The following TIMD4 variants were observed in gnomAD, a reference collection of about 807,000 sequenced individuals.
TIMD4 encodes the protein T-cell immunoglobulin and mucin domain-containing protein 4.
Under a neutral mutation model 41.2 loss-of-function variants are expected in TIMD4, and 31 were observed. That is an observed-to-expected ratio of 0.75 (90% CI 0.57 to 1.01). The LOEUF is 1.01. Among genes scored for constraint, TIMD4 ranks in the 50% least tolerant of loss-of-function variants. The pLI is 0.00. For missense variants in TIMD4, 479 were observed against 472.5 expected, an observed-to-expected ratio of 1.01 and a Z score of -0.13; for synonymous variants, 204 against 177.1, an observed-to-expected ratio of 1.15 and a Z score of -1.21.
chr5:156,938,221 T>G (rs1033085741), intron 5 of TIMD4, among the ~76,000 whole-genome samples: 16 of 152,212 alleles, frequency 1.1e-4, no homozygotes, highest in African/African-American at 3.6e-4. Context: ...TTTAAACTTT[T>G]TAAATGTCTC....
chr5:156,948,100 C>CG (rs1759777564), intron 5 of TIMD4, among the ~76,000 whole-genome samples: 1 of 151,988 alleles, frequency 6.6e-6, no homozygotes, highest in Non-Finnish European at 1.5e-5. Flanking sequence ...CTCCAGCTGG[C>CG]GGGAGGATGT....
intron 1 of TIMD4, among the ~76,000 whole-genome samples, chr5:156,959,016 T>C (rs1760033059): frequency 6.6e-6 from 1 of 152,218 alleles, no homozygotes; most frequent in Non-Finnish European, 1.5e-5. Flanking sequence ...CTTTTGAAAG[T>C]AAATGCACAG....
At chr5:156,929,050 T>C (rs1337367640) in intron 5 of TIMD4, among the ~76,000 whole-genome samples, 2 of 152,234 alleles carry the variant, frequency 1.3e-5, no homozygotes, top group Admixed American at 1.3e-4. Context: ...TTTCTTCTTC[T>C]TCTTCTTCTG....
chr5:156,919,691 A>G, intron 8 of TIMD4, 150 bp from the exon 9 acceptor site: 1 of 593,814 alleles, frequency 1.7e-6, no homozygotes, highest in Non-Finnish European at 3.0e-6. Context: ...CAGATGGGAA[A>G]ACTGAGGCTG....
intron 1 of TIMD4, among the ~76,000 whole-genome samples, chr5:156,962,210 C>T (rs1053570857): frequency 1.3e-5 from 2 of 151,836 alleles, no homozygotes; most frequent in Non-Finnish European, 2.9e-5. Flanking sequence ...TAGTGGGGTG[C>T]CTATTGTTAT....
chr5:156,955,950 C>T (rs1216143078), intron 1 of TIMD4, among the ~76,000 whole-genome samples: 2 of 152,190 alleles, frequency 1.3e-5, no homozygotes, highest in African/African-American at 4.8e-5. Context: ...ACATATCCAT[C>T]GCCTTACCAA....
chr5:156,960,335 C>T (rs1227584400), intron 1 of TIMD4, among the ~76,000 whole-genome samples: 1 of 151,518 alleles, frequency 6.6e-6, no homozygotes, highest in East Asian at 1.9e-4. Context: ...CAAACCCATA[C>T]CAAACCCAAA....
chr5:156,954,885 T>C (rs1759942735), intron 1 of TIMD4, 129 bp from the exon 2 acceptor site: 2 of 299,126 alleles, frequency 6.7e-6, no homozygotes, highest in Non-Finnish European at 1.1e-5. Context: ...TTTTCTTTCC[T>C]TTTTTTTTTT....
Position 156,951,628 on chromosome 5 carries a change from A to G in TIMD4, c.563T>C (p.Ile188Thr). The G allele has an allele frequency of 6.2e-7, 1 of 1,614,108 alleles. No individual in the cohort carries two copies. The highest frequency in any genetic ancestry group is 8.5e-7 in the Non-Finnish European group (1 of 1,180,014). Residue 188 changes from isoleucine (I) to threonine (T), a missense_variant, in exon 3 of 9, where the codon ATT (isoleucine) becomes ACT (threonine). Ile to Thr is a moderately conservative substitution (Grantham distance 89). Transcript: ENST00000274532. ...CGTGTTTGCTGTTGTGAAGACGGCAATGGTTGTCATCTGGAGTGGTGTTCC... is the reference window on the plus strand; with the variant it reads ...CGTGTTTGCTGTTGTGAAGACGGCAGTGGTTGTCATCTGGAGTGGTGTTCC... The part of the protein sequence containing the change: ...TTGTPLQMTT[I>T]AVFTTANTCL...
At chr5:156,936,186 C>T (rs1019932998) in intron 5 of TIMD4, among the ~76,000 whole-genome samples, 2 of 152,122 alleles carry the variant, frequency 1.3e-5, no homozygotes, top group Admixed American at 6.5e-5. Context: ...CTGCAGTGAG[C>T]CATGATCACA....
chr5:156,920,717 A>G (rs1759222020), intron 7 of TIMD4, among the ~76,000 whole-genome samples: 1 of 152,222 alleles, frequency 6.6e-6, no homozygotes, highest in Non-Finnish European at 1.5e-5. Context: ...AAGTTGTTCC[A>G]ACATTCTGGG....
At chr5:156,936,973 T>TACC (rs1759553140) in intron 5 of TIMD4, among the ~76,000 whole-genome samples, 1 of 151,388 alleles carries the variant, frequency 6.6e-6, no homozygotes, top group Non-Finnish European at 1.5e-5. Context: ...CCCAGTCCTG[T>TACC]ACCACCTGGA....
intron 5 of TIMD4, among the ~76,000 whole-genome samples, chr5:156,927,773 A>T (rs1759374695): frequency 6.6e-6 from 1 of 152,142 alleles, no homozygotes; most frequent in Non-Finnish European, 1.5e-5. Flanking sequence ...CCATGGCCTG[A>T]GCTGTCCACT....
intron 5 of TIMD4, among the ~76,000 whole-genome samples, chr5:156,941,044 C>T (rs1195429732): frequency 6.6e-6 from 1 of 152,214 alleles, no homozygotes; most frequent in African/African-American, 2.4e-5. Flanking sequence ...GAAACATGTG[C>T]TGTGTCAACT....
chr5:156,928,400 A>G (rs1759386343), intron 5 of TIMD4, among the ~76,000 whole-genome samples: 1 of 152,106 alleles, frequency 6.6e-6, no homozygotes, highest in East Asian at 1.9e-4. Flanking sequence ...GGTGGAGGAG[A>G]GAAAAAAAAA....
chr5:156,956,875 A>G (rs1759980804), intron 1 of TIMD4, among the ~76,000 whole-genome samples: 1 of 152,112 alleles, frequency 6.6e-6, no homozygotes, highest in South Asian at 2.1e-4. Flanking sequence ...TTAGTTGGCT[A>G]AGTTATAGAA....
intron 1 of TIMD4, among the ~76,000 whole-genome samples, chr5:156,955,293 C>T (rs1156414082): frequency 6.6e-6 from 1 of 152,154 alleles, no homozygotes; most frequent in Non-Finnish European, 1.5e-5. Flanking sequence ...GACCTTGAAA[C>T]CCAATTTCAC....
At chr5:156,959,936 G>A (rs562136824) in intron 1 of TIMD4, among the ~76,000 whole-genome samples, 84 of 152,124 alleles carry the variant, frequency 5.5e-4, no homozygotes, top group African/African-American at 2.0e-3. Context: ...TCAGCTACTT[G>A]GGAGGCTGGG....
chr5:156,929,948 T>C (rs963113427), intron 5 of TIMD4, among the ~76,000 whole-genome samples: 7 of 152,190 alleles, frequency 4.6e-5, no homozygotes, highest in Non-Finnish European at 8.8e-5. Flanking sequence ...TGTCATATTG[T>C]TATTAAAATT....
Sources: gnomAD v4.1 joint callset for allele counts (sites outside exome capture counted in the v4.1 genomes callset) on GRCh38, gnomAD v4.1.1 for gene constraint, MANE v1.5 for transcripts, NCBI Gene and HGNC (gene_info 2026-07-23, HGNC 2026-07-21) for gene names.